KCNQ1: variants seen among roughly 807,000 people sequenced by gnomAD.
The protein encoded by KCNQ1 is potassium voltage-gated channel subfamily KQT member 1.
In KCNQ1, 49 loss-of-function variants were observed where a neutral mutation model predicts 72.4. The ratio of observed to expected loss-of-function variants is 0.68; its 90% CI spans 0.54 to 0.86. The LOEUF (loss-of-function observed/expected upper bound fraction) is 0.86. Among genes scored for constraint, KCNQ1 ranks in the 40% least tolerant of loss-of-function variants. The pLI, the probability that KCNQ1 is intolerant of heterozygous loss-of-function variation, is 0.00. For missense variants in KCNQ1, 790 were observed against 945.1 expected, an observed-to-expected ratio of 0.84 and a Z score of 2.15; for synonymous variants, 450 against 412.6, an observed-to-expected ratio of 1.09 and a Z score of -1.10.
chr11:2,665,874 G>A, intron 11 of KCNQ1: 1 of 398,798 alleles, frequency 2.5e-6, no homozygotes. Flanking sequence ...TCTGAACTTG[G>A]GGGCTGTGTG....
chr11:2,662,516 G>A, intron 11 of KCNQ1: 1 of 427,988 alleles, frequency 2.3e-6, no homozygotes, highest in Non-Finnish European at 4.1e-6. Flanking sequence ...CCTTCAGGTG[G>A]AGGAAATGGC....
At chr11:2,610,346 G>A in intron 10 of KCNQ1, 1 of 397,996 alleles carries the variant, frequency 2.5e-6, no homozygotes, top group East Asian at 3.6e-5. Flanking sequence ...CTATTATAAT[G>A]ATCATACTAT....
chr11:2,537,734 A>T lies in KCNQ1; in HGVS notation c.477+9716A>T, dbSNP rs1056635410. ...TTGGTTTTTTATTTTTATTTTTTTG[A>T]GAGAGAGAGGGTCTTGCTGTGTTGC... On this transcript the variant is annotated intron_variant, in intron 2 of 15. Coordinates refer to ENST00000155840, the MANE Select transcript of KCNQ1 (RefSeq NM_000218.3). This position sits in a 1 kb window ranked among gnomAD's most constrained non-coding sequence, Gnocchi z 5.2. 1.3e-4 allele frequency among the ~76,000 whole-genome samples: 19 copies of T among 151,472 alleles called. No homozygotes were observed. Among genetic ancestry groups the T allele is most frequent in the African/African-American group, 4.4e-4 (18 of 41,232 alleles).
At chr11:2,632,834 G>C in intron 10 of KCNQ1, 1 of 398,402 alleles carries the variant, frequency 2.5e-6, no homozygotes, top group Non-Finnish European at 4.4e-6. Context: ...GGAGATTTAA[G>C]TTGATTCCAT....
At position 2,485,535 on chromosome 11, in the gene KCNQ1, C is replaced by G. The variant is rs546082188; in HGVS notation, c.386+40051C>G. Reference sequence around the variant, plus strand: ...AGATCTTTAATTGCGGTAAGATACACTAATGCAAAATTTACCATTTTAACT... The same window carrying G: ...AGATCTTTAATTGCGGTAAGATACAGTAATGCAAAATTTACCATTTTAACT... On this transcript the variant is annotated intron_variant, in intron 1 of 15. Coordinates refer to ENST00000155840, the MANE Select transcript of KCNQ1 (RefSeq NM_000218.3). Among the ~76,000 whole-genome samples the G allele has an allele frequency of 9.9e-5, 15 of 152,166 alleles. No individual in the cohort carries two copies. In the East Asian group the frequency reaches 2.9e-3, roughly 29 times the overall value.
Position 2,663,050 on chromosome 11 carries a change from C to T in KCNQ1, c.1514+969C>T, listed in dbSNP as rs1849997389. 2.5e-6 allele frequency: 1 copy of T among 398,650 alleles called. No individual in the cohort carries two copies. Among genetic ancestry groups the T allele is most frequent in the Admixed American group, 4.4e-5 (1 of 22,706 alleles). 24.7% of individuals were successfully genotyped at this position (398,650 alleles called of 1,614,324 possible). ...TGGTGCTGGGGGCTGCAGGTGTAAC[C>T]AGAGAACTGGCAGGGTTGGGTAGCC... On this transcript the variant is annotated intron_variant, in intron 11 of 15. Transcript: ENST00000155840. The surrounding 1 kb of genome is among the most constrained non-coding windows in gnomAD (Gnocchi z 5.2).
intron 1 of KCNQ1, among the ~76,000 whole-genome samples, chr11:2,455,599 G>A (rs1447647018): frequency 6.6e-6 from 1 of 152,218 alleles, no homozygotes; most frequent in Non-Finnish European, 1.5e-5. Context: ...CCATGCTGAT[G>A]GGTTGGAAGA....
rs185000087 is a variant in KCNQ1 at position 2,604,705 on chromosome 11, C to T, written c.1393+15851C>T. ...GATTACAGGCACATGCCACCATGCCCAGCTAATTTTTTGTATTTTAGTAGA... is the reference window on the plus strand; with the variant it reads ...GATTACAGGCACATGCCACCATGCCTAGCTAATTTTTTGTATTTTAGTAGA... On this transcript the variant is annotated intron_variant, in intron 10 of 15. Coordinates refer to ENST00000155840, the MANE Select transcript of KCNQ1 (RefSeq NM_000218.3). Among the ~76,000 whole-genome samples, 125 of 151,954 alleles carry T rather than the reference C, an allele frequency of 8.2e-4. 1 individual carries two copies. The highest frequency in any genetic ancestry group is 2.5e-3 in the African/African-American group (104 of 41,502).
At chr11:2,681,822 A>G (rs1225886646) in intron 11 of KCNQ1, 8 of 398,406 alleles carry the variant, frequency 2.0e-5, no homozygotes, top group Admixed American at 8.8e-5. Context: ...TTATGGTCAT[A>G]TCATCCATGC....
chr11:2,483,436 A>C lies in KCNQ1; in HGVS notation c.386+37952A>C, dbSNP rs536576151. Among the ~76,000 whole-genome samples the C allele has an allele frequency of 3.3e-5, 5 of 152,262 alleles. No individual in the cohort carries two copies. The East Asian group carries it at 9.7e-4, about 29-fold the overall frequency. ...GACCAAAACCGACACCTGATACATT[A>C]CCGTGAACTCAACTGCAGATCTGAT... On this transcript the variant is annotated intron_variant, in intron 1 of 15. Coordinates refer to ENST00000155840, the MANE Select transcript of KCNQ1 (RefSeq NM_000218.3). This position sits in a 1 kb window ranked among gnomAD's most constrained non-coding sequence, Gnocchi z 6.1.
chr11:2,503,180 A>G (rs1219998277), intron 1 of KCNQ1, among the ~76,000 whole-genome samples: 1 of 152,210 alleles, frequency 6.6e-6, no homozygotes, highest in African/African-American at 2.4e-5. Context: ...AAATGGACAA[A>G]TGGGATCACA....
At chr11:2,465,314 GTGAGGCCC>G (rs780548450) in intron 1 of KCNQ1, among the ~76,000 whole-genome samples, 18 of 152,324 alleles carry the variant, frequency 1.2e-4, no homozygotes, top group Non-Finnish European at 2.4e-4. Flanking sequence ...CAGTCCAGGT[GTGAGGCCC>G]TGAGGCCCTG....
At chr11:2,470,105 C>T (rs375520748) in intron 1 of KCNQ1, among the ~76,000 whole-genome samples, 2 of 152,284 alleles carry the variant, frequency 1.3e-5, no homozygotes. Flanking sequence ...GGACCACAGG[C>T]GCATGTCACC....
intron 1 of KCNQ1, among the ~76,000 whole-genome samples, chr11:2,485,938 A>C (rs546553160): frequency 2.0e-5 from 3 of 152,318 alleles, no homozygotes; most frequent in Admixed American, 2.0e-4. Flanking sequence ...TTATCCATTC[A>C]TCTTTTGATG....
At chr11:2,790,646 G>A (rs1391606851) in intron 15 of KCNQ1, among the ~76,000 whole-genome samples, 1 of 152,232 alleles carries the variant, frequency 6.6e-6, no homozygotes, top group African/African-American at 2.4e-5. Flanking sequence ...GAGACTCGGC[G>A]AGTCACGTGG....
In KCNQ1 at chr11:2,727,534, T is replaced by G. The variant is rs1338719496; in HGVS notation, c.1515-41310T>G. Reference sequence around the variant, plus strand: ...CCTGAGCTTAACAGAATGATGGCTGTCTGACATGAGGCTCACAACTGGCCC... The same window carrying G: ...CCTGAGCTTAACAGAATGATGGCTGGCTGACATGAGGCTCACAACTGGCCC... On this transcript the variant is annotated intron_variant, in intron 11 of 15. Transcript: ENST00000155840. 2.0e-5 allele frequency among the ~76,000 whole-genome samples: 3 copies of G among 152,128 alleles called. No individual in the cohort carries two copies. In the East Asian group the frequency reaches 5.8e-4, roughly 29 times the overall value.
intron 10 of KCNQ1, chr11:2,622,515 T>C (rs1353163487): frequency 5.0e-6 from 2 of 398,432 alleles, no homozygotes; most frequent in Non-Finnish European, 4.4e-6. Flanking sequence ...ACCTCTGCTT[T>C]TTGGAGAATT....
rs1478594431 is a variant in KCNQ1 at position 2,752,574 on chromosome 11, T to G, written c.1515-16270T>G. 6.6e-6 allele frequency among the ~76,000 whole-genome samples: 1 copy of G among 152,156 alleles called. No homozygotes were observed. The highest frequency in any genetic ancestry group is 2.4e-5 in the African/African-American group (1 of 41,438). ...TCTGGTAAGGGGTCTGTCTGATTCA[T>G]GGAAGTCAGCGGGCTGTGTCCTCAC... On this transcript the variant is annotated intron_variant, in intron 11 of 15. Coordinates refer to ENST00000155840, the MANE Select transcript of KCNQ1 (RefSeq NM_000218.3). The surrounding 1 kb of genome is among the most constrained non-coding windows in gnomAD (Gnocchi z 5.2).
chr11:2,469,368 G>T (rs760357309), intron 1 of KCNQ1, among the ~76,000 whole-genome samples: 1 of 151,904 alleles, frequency 6.6e-6, no homozygotes, highest in Non-Finnish European at 1.5e-5. Flanking sequence ...CTGCCTCCCG[G>T]GTTCAAGTGA....
Sources: gnomAD v4.1 joint callset for allele counts (sites outside exome capture counted in the v4.1 genomes callset) on GRCh38, gnomAD v4.1.1 for gene constraint, Gnocchi (gnomAD v3.1) non-coding constraint, MANE v1.5 for transcripts, NCBI Gene and HGNC (gene_info 2026-07-23, HGNC 2026-07-21) for gene names.